The following GCNT4 variants were observed in gnomAD, a reference collection of about 807,000 sequenced individuals.
GCNT4 encodes glucosaminyl (N-acetyl) transferase 4.
Under a neutral mutation model 31.3 loss-of-function variants are expected in GCNT4, and 17 were observed. That is an observed-to-expected ratio of 0.54 (90% CI 0.37 to 0.81). The LOEUF (loss-of-function observed/expected upper bound fraction) is 0.81, where lower values mean the gene tolerates loss of function less well. Ranked by LOEUF, GCNT4 falls within the 40% of genes least tolerant of loss-of-function variation. GCNT4 has a pLI of 0.00. For synonymous variants in GCNT4, 158 were observed against 190.6 expected (o/e 0.83, Z 1.41); for missense variants, 503 against 525.5 (o/e 0.96, Z 0.42).
At chr5:75,042,301 T>A (rs537410679) in intron 3 of GCNT4, among the ~76,000 whole-genome samples, 4 of 152,246 alleles carry the variant, frequency 2.6e-5, no homozygotes, top group Non-Finnish European at 4.4e-5. Flanking sequence ...GAAAAACATG[T>A]CTATTTTTGA....
At chr5:75,043,802 C>T (rs1339813205) in intron 3 of GCNT4, among the ~76,000 whole-genome samples, 9 of 152,220 alleles carry the variant, frequency 5.9e-5, no homozygotes, top group South Asian at 2.1e-4. Flanking sequence ...CATATACATA[C>T]GCATGTCCAG....
downstream of GCNT4, among the ~76,000 whole-genome samples, chr5:75,021,010 G>A (rs1233158531): frequency 6.6e-6 from 1 of 152,136 alleles, no homozygotes; most frequent in East Asian, 1.9e-4. Flanking sequence ...ATGACTACAA[G>A]GTAGTTTTTA....
chr5:75,032,259 C>T (rs1045162643), intron 3 of GCNT4, among the ~76,000 whole-genome samples: 1 of 152,194 alleles, frequency 6.6e-6, no homozygotes, highest in Admixed American at 6.5e-5. Context: ...CCACCTTCCA[C>T]ACTGATGCCT....
At chr5:75,017,778 C>A in the GCNT4 span, among the ~76,000 whole-genome samples, 1 of 152,178 alleles carries the variant, frequency 6.6e-6, no homozygotes, top group African/African-American at 2.4e-5. Flanking sequence ...CACCCAATTC[C>A]TGCTGCCACT....
the GCNT4 span, among the ~76,000 whole-genome samples, chr5:75,017,022 T>C: frequency 1.3e-5 from 2 of 152,220 alleles, no homozygotes; most frequent in Non-Finnish European, 2.9e-5. Context: ...AATTAATCTC[T>C]GACATAGTTG....
intron 3 of GCNT4, among the ~76,000 whole-genome samples, chr5:75,035,705 C>T (rs188556693): frequency 1.3e-5 from 2 of 152,324 alleles, no homozygotes; most frequent in African/African-American, 4.8e-5. Flanking sequence ...TTCTGACTGA[C>T]AGAGGTTTCA....
chr5:75,032,922 T>A (rs75051432), intron 3 of GCNT4, among the ~76,000 whole-genome samples: 4,893 of 145,882 alleles, frequency 0.034, 136 homozygotes, highest in African/African-American at 0.083. Context: ...TGTGTGTGTG[T>A]GATTAATTCA....
intron 3 of GCNT4, among the ~76,000 whole-genome samples, chr5:75,040,447 G>A (rs918261809): frequency 1.4e-4 from 22 of 152,288 alleles, no homozygotes; most frequent in African/African-American, 3.6e-4. Context: ...TACCTGGTAC[G>A]GGGTAGTTGC....
chr5:75,047,602 A>G (rs1743470689), intron 3 of GCNT4: 1 of 152,188 alleles, frequency 6.6e-6, no homozygotes, highest in African/African-American at 2.4e-5. Context: ...AGCTAAAAGC[A>G]TTCCTACCAC....
intron 3 of GCNT4, among the ~76,000 whole-genome samples, chr5:75,044,626 C>T (rs1278305795): frequency 6.6e-6 from 1 of 151,906 alleles, no homozygotes; most frequent in African/African-American, 2.4e-5. Flanking sequence ...GTGTCATTGA[C>T]CAGTGGCCAT....
rs1743598456 is a variant in GCNT4 at position 75,052,558 on chromosome 5, T to A, written c.-331A>T. On this transcript the variant is annotated 5_prime_UTR_variant, in exon 1 of 4. Transcript: ENST00000652361. ...GCAGGCAGACGATCCCGGCCCGCTC[T>A]GCGGCACAAAAAACTTGACCTTAAA... 2 of 152,174 alleles carry A rather than the reference T, an allele frequency of 1.3e-5. No homozygotes were observed. Among genetic ancestry groups the A allele is most frequent in the South Asian group, 2.1e-4 (1 of 4,832 alleles). 9.4% of individuals were successfully genotyped at this position (152,174 alleles called of 1,614,324 possible).
At chr5:75,034,049 T>G (rs1743142636) in intron 3 of GCNT4, among the ~76,000 whole-genome samples, 1 of 152,248 alleles carries the variant, frequency 6.6e-6, no homozygotes, top group African/African-American at 2.4e-5. Flanking sequence ...GAAATACCTT[T>G]AACTGAAAAG....
In GCNT4 at chr5:75,029,203, C is replaced by T; in HGVS notation, c.835G>A (p.Val279Met). 6.2e-7 allele frequency: 1 copy of T among 1,613,992 alleles called. No homozygotes were observed. Among genetic ancestry groups the T allele is most frequent in the Non-Finnish European group, 8.5e-7 (1 of 1,180,018 alleles). Residue 279 changes from valine (V) to methionine (M), a missense_variant, in exon 4 of 4, where the codon GTG (valine) becomes ATG (methionine). By Grantham distance (21) the Val-to-Met change is conservative. Transcript: ENST00000652361. ...ATGTTTGTCCTTATTGGTAGCTTCA[C>T]ATATTCATAAGGCACCCGTCTAAGT... ...HELRRVPYEYVKLPIRTNISK... is the reference protein window; with the variant it reads ...HELRRVPYEYMKLPIRTNISK...
In GCNT4 at chr5:75,031,904, C is replaced by A. The variant is rs79175529; in HGVS notation, c.-1-1866G>T. 6.2e-3 allele frequency among the ~76,000 whole-genome samples: 946 copies of A among 152,216 alleles called. 8 individuals are homozygous for A. The highest frequency in any genetic ancestry group is 0.01 in the Non-Finnish European group (711 of 68,010). ...CTGAGACCTGGTGGGGTCTGAGCAC[C>A]CCTGTGCAATTTCCTAACATATCTC... is the stretch of plus-strand genomic sequence containing the variant. On this transcript the variant is annotated intron_variant, in intron 3 of 3. Transcript: ENST00000652361.
rs1561373164 is a variant in GCNT4, at chr5:75,029,780, CTT to C, written c.256_257del (p.Lys86GlufsTer11). 1 of 1,614,174 alleles carries C rather than the reference CTT, an allele frequency of 6.2e-7. No homozygotes were observed. Among genetic ancestry groups the C allele is most frequent in the South Asian group, 1.1e-5 (1 of 91,086 alleles). On this transcript the variant is annotated frameshift_variant, in exon 4 of 4. Coordinates refer to ENST00000652361, the MANE Select transcript of GCNT4 (RefSeq NM_001366737.1). LOFTEE classifies it high-confidence loss of function. ...IYEQEPLEIG[K>X]SLEIRRRDII... ...TGTCCCTTCTTCTTATTTCCAGACT[CTT>C]TCCAATTTCCAAAGGCTCCTGTTCA...
At chr5:75,042,997 T>G (rs1743353785) in intron 3 of GCNT4, among the ~76,000 whole-genome samples, 1 of 152,186 alleles carries the variant, frequency 6.6e-6, no homozygotes, top group African/African-American at 2.4e-5. Flanking sequence ...AAAGCAGAGA[T>G]TTCAACCTAC....
chr5:75,050,846 C>A (rs1241786311), intron 2 of GCNT4, among the ~76,000 whole-genome samples: 2 of 152,216 alleles, frequency 1.3e-5, no homozygotes, highest in Non-Finnish European at 2.9e-5. Flanking sequence ...AACTGCCAGG[C>A]CTCCTGCACC....
At chr5:75,024,119 G>A (rs1742913860), downstream of GCNT4, among the ~76,000 whole-genome samples, 1 of 152,254 alleles carries the variant, frequency 6.6e-6, no homozygotes, top group African/African-American at 2.4e-5. Flanking sequence ...CTCATAATCA[G>A]TTTCATGTAA....
In GCNT4 at chr5:75,026,908, A is replaced by C. The variant is rs1742958207; in HGVS notation, c.*1768T>G. 1 of 152,088 alleles carries C rather than the reference A, an allele frequency of 6.6e-6. No individual in the cohort carries two copies. The highest frequency in any genetic ancestry group is 6.5e-5 in the Admixed American group (1 of 15,274). The allele number at this position is 152,088 out of a possible 1,614,324, so 9.4% of individuals were successfully genotyped here. ...AAGGGGGTAAATAAAAAGGGAGAAA[A>C]ATGAGTTCAAGAGAAGAAAGGGAGC... On this transcript the variant is annotated 3_prime_UTR_variant, in exon 4 of 4. Transcript: ENST00000652361.
Sources: allele counts gnomAD v4.1 joint callset (sites outside exome capture counted in the v4.1 genomes callset), GRCh38; gene constraint gnomAD v4.1.1; transcripts MANE v1.5; gene names NCBI Gene and HGNC (gene_info 2026-07-23, HGNC 2026-07-21).